Variants in CSMD1 observed in about 807,000 individuals in gnomAD.
CSMD1 encodes CUB and Sushi multiple domains 1.
In CSMD1, 213 loss-of-function variants were observed where a neutral mutation model predicts 417.5. That is an observed-to-expected ratio of 0.51 (90% CI 0.46 to 0.57). The LOEUF is 0.57. Ranked by LOEUF, CSMD1 falls within the 20% of genes least tolerant of loss-of-function variation. The pLI is 0.00. For missense variants in CSMD1, 6,923 were observed against 4,529.7 expected (o/e 1.53, Z -15.17); for synonymous variants, 2,862 against 1,736.8 (o/e 1.65, Z -16.11).
intron 3 of CSMD1, among the ~76,000 whole-genome samples, chr8:4,077,491 G>T (rs1449572208): frequency 1.3e-5 from 2 of 151,816 alleles, no homozygotes; most frequent in Non-Finnish European, 2.9e-5. Flanking sequence ...CTTCACCTCA[G>T]TTTACTTGCA....
At position 4,978,553 on chromosome 8, in the gene CSMD1, A is replaced by G. The variant is rs896598978; in HGVS notation, c.85+15779T>C. 3.3e-5 allele frequency among the ~76,000 whole-genome samples: 5 copies of G among 152,320 alleles called. No homozygotes were observed. The East Asian group carries it at 7.7e-4, about 24-fold the overall frequency. On this transcript the variant is annotated intron_variant, in intron 1 of 69. Transcript: ENST00000635120. Reference sequence around the variant, plus strand: ...ATATTGCCAAGTAAATAAATTAACTATGTTTTTCAAATGGCTTCACTGGGA... The same window carrying G: ...ATATTGCCAAGTAAATAAATTAACTGTGTTTTTCAAATGGCTTCACTGGGA...
intron 4 of CSMD1, among the ~76,000 whole-genome samples, chr8:3,999,079 G>C (rs1815456345): frequency 6.6e-6 from 1 of 150,594 alleles, no homozygotes; most frequent in Non-Finnish European, 1.5e-5. Flanking sequence ...ATATATGAGA[G>C]AGAAGTATTT....
At chr8:3,479,555 C>T (rs1298075394) in intron 11 of CSMD1, among the ~76,000 whole-genome samples, 2 of 152,250 alleles carry the variant, frequency 1.3e-5, no homozygotes, top group East Asian at 3.9e-4. Flanking sequence ...GCTGGGATTA[C>T]AGGTGTGAGC....
chr8:3,663,759 G>T (rs939801067), intron 7 of CSMD1, among the ~76,000 whole-genome samples: 3 of 152,070 alleles, frequency 2.0e-5, no homozygotes, highest in African/African-American at 7.2e-5. Flanking sequence ...CCGAACCAAC[G>T]TTCACCTCAC....
At chr8:3,667,740 C>G (rs987338930) in intron 7 of CSMD1, among the ~76,000 whole-genome samples, 1 of 152,120 alleles carries the variant, frequency 6.6e-6, no homozygotes, top group Admixed American at 6.5e-5. Context: ...AGAAAGTAAA[C>G]AAGAGTTCTG....
intron 54 of CSMD1, among the ~76,000 whole-genome samples, chr8:2,993,371 T>A (rs1806572870): frequency 6.6e-6 from 1 of 152,172 alleles, no homozygotes; most frequent in Non-Finnish European, 1.5e-5. Context: ...TTATTGCCAA[T>A]ATCCTGTAAA....
intron 46 of CSMD1, among the ~76,000 whole-genome samples, chr8:3,100,965 C>T (rs946212787): frequency 1.4e-4 from 21 of 151,726 alleles, no homozygotes; most frequent in African/African-American, 4.8e-4. Flanking sequence ...TGGGCAGCGG[C>T]GGTTTTTATG....
At chr8:4,715,280 G>T (rs867531897) in intron 1 of CSMD1, among the ~76,000 whole-genome samples, 1 of 152,076 alleles carries the variant, frequency 6.6e-6, no homozygotes, top group Non-Finnish European at 1.5e-5. Flanking sequence ...ATTATTAAGG[G>T]TTACTTAAAG....
chr8:3,950,171 A>G (rs1811510394), intron 5 of CSMD1, among the ~76,000 whole-genome samples: 1 of 152,132 alleles, frequency 6.6e-6, no homozygotes, highest in Non-Finnish European at 1.5e-5. Context: ...AGAAAGGTAA[A>G]CCACAAGACC....
At position 4,200,624 on chromosome 8, in the gene CSMD1, G is replaced by C. The variant is rs929037355; in HGVS notation, c.416-168525C>G. On this transcript the variant is annotated intron_variant, in intron 3 of 69. Transcript: ENST00000635120. ...GAAATCCCAGCACTTTGTAGGCTGA[G>C]GTGGGAGGATTTCTTGAGACTAAGA... 1.4e-4 allele frequency among the ~76,000 whole-genome samples: 22 copies of C among 152,152 alleles called. No homozygotes were observed. In the South Asian group the frequency reaches 1.4e-3, roughly 10 times the overall value.
At chr8:4,076,960 C>A (rs572472863) in intron 3 of CSMD1, among the ~76,000 whole-genome samples, 1 of 152,196 alleles carries the variant, frequency 6.6e-6, no homozygotes, top group East Asian at 1.9e-4. Flanking sequence ...ATAACACTTT[C>A]CTCTGAATTA....
At chr8:3,729,087 A>G (rs534035487) in intron 6 of CSMD1, among the ~76,000 whole-genome samples, 1 of 152,356 alleles carries the variant, frequency 6.6e-6, no homozygotes, top group African/African-American at 2.4e-5. Flanking sequence ...TGAACATGTC[A>G]GCCAGGGAAG....
intron 1 of CSMD1, among the ~76,000 whole-genome samples, chr8:4,952,623 G>A (rs760164509): frequency 2.0e-5 from 3 of 152,020 alleles, no homozygotes; most frequent in Admixed American, 6.6e-5. Flanking sequence ...TTAGAGCATA[G>A]TTGATATGGT....
intron 1 of CSMD1, among the ~76,000 whole-genome samples, chr8:4,918,325 C>A (rs575753524): frequency 6.6e-6 from 1 of 152,114 alleles, no homozygotes; most frequent in Non-Finnish European, 1.5e-5. Flanking sequence ...AAGTGTATTG[C>A]CTTCTCTCTC....
chr8:4,175,496 A>C (rs1184572608), intron 3 of CSMD1, among the ~76,000 whole-genome samples: 1 of 152,192 alleles, frequency 6.6e-6, no homozygotes, highest in Non-Finnish European at 1.5e-5. Context: ...TTTTCTTAAA[A>C]CATTACACAA....
chr8:4,830,086 A>G (rs996545710), intron 1 of CSMD1, among the ~76,000 whole-genome samples: 5 of 152,194 alleles, frequency 3.3e-5, no homozygotes, highest in African/African-American at 9.7e-5. Context: ...AGGGATACCC[A>G]GGTACTGAAG....
chr8:4,724,008 C>G (rs952885883), intron 1 of CSMD1, among the ~76,000 whole-genome samples: 1 of 151,998 alleles, frequency 6.6e-6, no homozygotes, highest in Admixed American at 6.6e-5. Context: ...AAATATGATG[C>G]TCTGTCATGA....
At chr8:4,955,178 G>A (rs1053193996) in intron 1 of CSMD1, among the ~76,000 whole-genome samples, 6 of 152,000 alleles carry the variant, frequency 3.9e-5, no homozygotes, top group African/African-American at 1.5e-4. Flanking sequence ...CAGACCTACG[G>A]GGCTGTTCCC....
At chr8:3,654,880 G>C (rs1366750290) in intron 7 of CSMD1, among the ~76,000 whole-genome samples, 1 of 152,160 alleles carries the variant, frequency 6.6e-6, no homozygotes, top group African/African-American at 2.4e-5. Flanking sequence ...CTCTGCAACA[G>C]ACTGGGAGAC....
Sources: allele counts gnomAD v4.1 joint callset (sites outside exome capture counted in the v4.1 genomes callset), GRCh38; gene constraint gnomAD v4.1.1; transcripts MANE v1.5; gene names NCBI Gene and HGNC (gene_info 2026-07-23, HGNC 2026-07-21).